The following SMYD3 variants were observed in gnomAD, a reference collection of about 807,000 sequenced individuals.
SMYD3 encodes the protein SET and MYND domain containing 3.
In SMYD3, 36 loss-of-function variants were observed where a neutral mutation model predicts 57.7. That is an observed-to-expected ratio of 0.62 (90% CI 0.48 to 0.82). SMYD3 has a LOEUF of 0.82. SMYD3 is among the 40% of genes least tolerant of loss of function. The pLI is 0.00. For missense variants in SMYD3, 515 were observed against 538.8 expected (o/e 0.96, Z 0.44); for synonymous variants, 211 against 195.0 (o/e 1.08, Z -0.68).
chr1:246,325,437 T>C (rs1334294840), intron 5 of SMYD3, among the ~76,000 whole-genome samples: 1 of 152,132 alleles, frequency 6.6e-6, no homozygotes, highest in East Asian at 1.9e-4. Context: ...TATTAACCTA[T>C]ATTTTAATGC....
intron 8 of SMYD3, among the ~76,000 whole-genome samples, chr1:245,911,537 C>T (rs1191135710): frequency 6.6e-6 from 1 of 150,394 alleles, no homozygotes; most frequent in African/African-American, 2.4e-5. Flanking sequence ...ACACACACAA[C>T]GGAATATAGT....
At chr1:246,426,746 T>C (rs1486161166) in intron 1 of SMYD3, among the ~76,000 whole-genome samples, 2 of 152,190 alleles carry the variant, frequency 1.3e-5, no homozygotes, top group African/African-American at 4.8e-5. Context: ...AGTGTCTTCC[T>C]AATAAAGTAA....
At chr1:246,073,124 C>T (rs1484383783) in intron 5 of SMYD3, among the ~76,000 whole-genome samples, 2 of 152,182 alleles carry the variant, frequency 1.3e-5, no homozygotes, top group Admixed American at 1.3e-4. Context: ...AGCGTTCACA[C>T]ATTTCACTTT....
chr1:245,817,026 G>T (rs907012125), intron 10 of SMYD3, among the ~76,000 whole-genome samples: 6 of 151,412 alleles, frequency 4.0e-5, no homozygotes, highest in Admixed American at 1.3e-4. Context: ...CGGGAAGCTC[G>T]AACTGGGTGG....
intron 2 of SMYD3, among the ~76,000 whole-genome samples, chr1:246,348,323 C>T (rs6670330): frequency 0.15 from 23,223 of 151,256 alleles, 2,039 homozygotes; most frequent in East Asian, 0.3. Context: ...GGCTGAGGCA[C>T]GAGAATTACT....
chr1:246,494,628 A>G (rs2068327741), intron 1 of SMYD3, among the ~76,000 whole-genome samples: 1 of 152,262 alleles, frequency 6.6e-6, no homozygotes, highest in Non-Finnish European at 1.5e-5. Flanking sequence ...ACTGTTACCT[A>G]CTACCCAAGG....
At chr1:245,869,265 CAGA>C (rs1212040959) in intron 8 of SMYD3, among the ~76,000 whole-genome samples, 1 of 152,152 alleles carries the variant, frequency 6.6e-6, no homozygotes, top group Non-Finnish European at 1.5e-5. Flanking sequence ...AGCCTAGAAG[CAGA>C]AGGATTCCTA....
intron 2 of SMYD3, among the ~76,000 whole-genome samples, chr1:246,340,959 G>A (rs1455200886): frequency 6.6e-6 from 1 of 152,074 alleles, no homozygotes; most frequent in African/African-American, 2.4e-5. Context: ...CTGCATTCCA[G>A]TCTGTGTGAC....
chr1:245,846,481 T>A (rs1297166657), intron 10 of SMYD3, among the ~76,000 whole-genome samples: 1 of 152,228 alleles, frequency 6.6e-6, no homozygotes, highest in Non-Finnish European at 1.5e-5. Context: ...CCAATCTGGG[T>A]TCAGGCTGAC....
Position 246,481,649 on chromosome 1 carries a change from T to C in SMYD3, c.164+25405A>G, listed in dbSNP as rs1278865842. Among the ~76,000 whole-genome samples, 3 of 108,538 alleles carry C rather than the reference T, an allele frequency of 2.8e-5. No homozygotes were observed. In the South Asian group the frequency reaches 8.6e-4, roughly 31 times the overall value. 71.2% of individuals were successfully genotyped at this position (108,538 alleles called of 152,430 possible). A position where few individuals can be genotyped will look rare whatever the true frequency, so the allele number is the denominator to read the frequency against. On this transcript the variant is annotated intron_variant, in intron 1 of 11. Coordinates refer to ENST00000490107, the MANE Select transcript of SMYD3 (RefSeq NM_001167740.2). ...ATACATACATACACATATTCATATA[T>C]GATCATATATATAATTATATATATA...
intron 5 of SMYD3, among the ~76,000 whole-genome samples, chr1:246,016,476 G>A (rs186252215): frequency 2.8e-4 from 42 of 152,068 alleles, no homozygotes; most frequent in African/African-American, 9.4e-4. Flanking sequence ...CCAGCTACTC[G>A]GGAGGCTGAG....
At chr1:246,300,464 G>T (rs992345714) in intron 5 of SMYD3, among the ~76,000 whole-genome samples, 2 of 152,140 alleles carry the variant, frequency 1.3e-5, no homozygotes, top group Non-Finnish European at 2.9e-5. Context: ...TTAGGTGTAC[G>T]GGTGAGGAAA....
chr1:246,239,713 T>G (rs1275642956), intron 5 of SMYD3, among the ~76,000 whole-genome samples: 1 of 152,168 alleles, frequency 6.6e-6, no homozygotes, highest in Non-Finnish European at 1.5e-5. Flanking sequence ...ACCAACAGTG[T>G]AAAAGTGTTC....
chr1:246,044,091 G>A (rs1391645797), intron 5 of SMYD3, among the ~76,000 whole-genome samples: 1 of 152,126 alleles, frequency 6.6e-6, no homozygotes, highest in South Asian at 2.1e-4. Context: ...AAAACGGAGA[G>A]AGATCATTCC....
rs564524922 is a variant in SMYD3, at chr1:246,318,635, C to T, written c.531+8566G>A. Among the ~76,000 whole-genome samples the T allele has an allele frequency of 2.0e-5, 3 of 152,300 alleles. No individual in the cohort carries two copies. The South Asian group carries it at 6.2e-4, about 32-fold the overall frequency. ...GGAAAAGCCAAAGCAATGACAGTAACCTTTGCCATTTCATAATGTCATACA... is the reference window on the plus strand; with the variant it reads ...GGAAAAGCCAAAGCAATGACAGTAATCTTTGCCATTTCATAATGTCATACA... On this transcript the variant is annotated intron_variant, in intron 5 of 11. Transcript: ENST00000490107.
intron 10 of SMYD3, among the ~76,000 whole-genome samples, chr1:245,815,361 CT>C (rs2048744321): frequency 6.6e-6 from 1 of 152,216 alleles, no homozygotes; most frequent in Non-Finnish European, 1.5e-5. Context: ...CCCTACCATG[CT>C]TTTCCTTCCA....
At chr1:245,881,094 A>G (rs1010662792) in intron 8 of SMYD3, among the ~76,000 whole-genome samples, 5 of 152,204 alleles carry the variant, frequency 3.3e-5, no homozygotes, top group African/African-American at 1.2e-4. Context: ...ATAAAAATAT[A>G]CAGATCTCCA....
At chr1:245,914,429 T>A (rs2055247517) in intron 8 of SMYD3, among the ~76,000 whole-genome samples, 2 of 152,232 alleles carry the variant, frequency 1.3e-5, no homozygotes, top group African/African-American at 4.8e-5. Context: ...CACAATGGAA[T>A]ATTATTCAGT....
At chr1:246,041,398 TA>T (rs2059869485) in intron 5 of SMYD3, among the ~76,000 whole-genome samples, 1 of 152,202 alleles carries the variant, frequency 6.6e-6, no homozygotes, top group Non-Finnish European at 1.5e-5. Context: ...ATAAAAATAC[TA>T]ATCATCAAAA....
Sources: gnomAD v4.1 joint callset for allele counts (sites outside exome capture counted in the v4.1 genomes callset) on GRCh38, gnomAD v4.1.1 for gene constraint, MANE v1.5 for transcripts, NCBI Gene and HGNC (gene_info 2026-07-23, HGNC 2026-07-21) for gene names.